The following LDLRAD4 variants were observed in gnomAD, a reference collection of about 807,000 sequenced individuals.
LDLRAD4 encodes low-density lipoprotein receptor class A domain-containing protein 4.
In LDLRAD4, 5 loss-of-function variants were observed where a neutral mutation model predicts 17.0. The ratio of observed to expected loss-of-function variants is 0.29; its 90% CI spans 0.15 to 0.62. The LOEUF (loss-of-function observed/expected upper bound fraction) is 0.62. Ranked by LOEUF, LDLRAD4 falls within the 20% of genes least tolerant of loss-of-function variation. LDLRAD4 has a pLI of 0.84. For missense variants in LDLRAD4, 340 were observed against 424.7 expected, an observed-to-expected ratio of 0.80 and a Z score of 1.75; for synonymous variants, 168 against 171.8, an observed-to-expected ratio of 0.98 and a Z score of 0.17.
At chr18:13,413,027 C>T (rs908312699) in intron 2 of LDLRAD4, among the ~76,000 whole-genome samples, 1 of 152,202 alleles carries the variant, frequency 6.6e-6, no homozygotes, top group Non-Finnish European at 1.5e-5. Context: ...GTGCATCAGT[C>T]AGGATTCTTC....
intron 4 of LDLRAD4, among the ~76,000 whole-genome samples, chr18:13,633,702 C>T (rs56296887): frequency 0.048 from 6,996 of 146,740 alleles, 504 homozygotes; most frequent in African/African-American, 0.15. Context: ...GCAGCAGGAG[C>T]GGGGAGAAGC....
Position 13,347,775 on chromosome 18 carries a change from T to G in LDLRAD4, c.-382-39566T>G, listed in dbSNP as rs549043661. ...TCTTGGAGGCTTTGTTCATTTCTTT[T>G]TATTCTTTTTTCTCTACACTTCTCT... On this transcript the variant is annotated intron_variant, in intron 1 of 5. Transcript: ENST00000359446. Among the ~76,000 whole-genome samples the G allele has an allele frequency of 1.1e-4, 17 of 152,334 alleles. 2 individuals are homozygous for G. In the South Asian group the frequency reaches 3.5e-3, roughly 32 times the overall value.
chr18:13,297,276 C>T lies in LDLRAD4; in HGVS notation c.-383+19088C>T, dbSNP rs535958289. ...TGGAAGGGACTTTGCCACTGAGGCC[C>T]GAGGTGGGGATCATAGCACCGTTTG... On this transcript the variant is annotated intron_variant, in intron 1 of 5. Coordinates refer to ENST00000359446, the Ensembl canonical transcript of LDLRAD4. 4.6e-5 allele frequency among the ~76,000 whole-genome samples: 7 copies of T among 152,256 alleles called. No individual in the cohort carries two copies. In the East Asian group the frequency reaches 5.8e-4, roughly 13 times the overall value.
chr18:13,475,683 C>A (rs1418478367), intron 3 of LDLRAD4, among the ~76,000 whole-genome samples: 1 of 152,166 alleles, frequency 6.6e-6, no homozygotes, highest in Non-Finnish European at 1.5e-5. Context: ...GCCAACAAGA[C>A]CTGGCCTCTT....
intron 2 of LDLRAD4, among the ~76,000 whole-genome samples, chr18:13,409,309 G>T (rs1014256851): frequency 6.6e-6 from 1 of 152,222 alleles, no homozygotes; most frequent in Non-Finnish European, 1.5e-5. Flanking sequence ...AGGGAAGGGG[G>T]AGATGTGTGG....
intron 2 of LDLRAD4, among the ~76,000 whole-genome samples, chr18:13,422,076 G>A (rs180952633): frequency 8.5e-5 from 13 of 152,350 alleles, no homozygotes; most frequent in South Asian, 2.1e-4. Flanking sequence ...GTCAGTTACC[G>A]TTTATCTAAG....
At chr18:13,370,894 A>C (rs1414091898) in intron 1 of LDLRAD4, among the ~76,000 whole-genome samples, 1 of 151,744 alleles carries the variant, frequency 6.6e-6, no homozygotes, top group Non-Finnish European at 1.5e-5. Flanking sequence ...TATTTTTAGT[A>C]GAAACGGGGT....
intron 3 of LDLRAD4, among the ~76,000 whole-genome samples, chr18:13,511,627 T>G (rs958250752): frequency 6.6e-5 from 10 of 152,254 alleles, no homozygotes; most frequent in South Asian, 2.1e-4. Flanking sequence ...GTAATCGTTT[T>G]CTGATAGGTA....
At chr18:13,534,022 C>T (rs889823387) in intron 3 of LDLRAD4, among the ~76,000 whole-genome samples, 4 of 152,196 alleles carry the variant, frequency 2.6e-5, no homozygotes, top group Non-Finnish European at 1.5e-5. Context: ...GGTGTGTCTT[C>T]TGGCACTCCA....
chr18:13,438,887 C>T (rs944793692), intron 3 of LDLRAD4, among the ~76,000 whole-genome samples: 7 of 152,198 alleles, frequency 4.6e-5, no homozygotes, highest in Non-Finnish European at 1.0e-4. Context: ...AGGCTTTGAG[C>T]ATTTCTTGAA....
exon 6 of LDLRAD4, chr18:13,649,709 C>G: frequency 4.5e-6 from 1 of 222,164 alleles, no homozygotes; most frequent in Non-Finnish European, 8.7e-6. Context: ...GTGTACCATT[C>G]ATTTTTTAAA....
Position 13,645,074 on chromosome 18 carries a change from A to C in LDLRAD4, c.391-53A>C. ...AACTTTCCTTGATTCTGACACATTT[A>C]TGGTCATCATTGCGCTCAAACTGTC... On this transcript the variant is annotated intron_variant, in intron 5 of 5. Transcript: ENST00000359446. This position sits in a 1 kb window ranked among gnomAD's most constrained non-coding sequence, Gnocchi z 5.7. 8.6e-5 allele frequency: 117 copies of C among 1,362,438 alleles called. No individual in the cohort carries two copies. The highest frequency in any genetic ancestry group is 1.9e-4 in the Middle Eastern group (1 of 5,390). 84.4% of individuals were successfully genotyped at this position (1,362,438 alleles called of 1,614,324 possible). A position where few individuals can be genotyped will look rare whatever the true frequency, so the allele number is the denominator to read the frequency against.
chr18:13,469,949 A>T (rs1018945733), intron 3 of LDLRAD4, among the ~76,000 whole-genome samples: 5 of 152,216 alleles, frequency 3.3e-5, no homozygotes, highest in Non-Finnish European at 7.3e-5. Context: ...TAAATCTAAT[A>T]ATGATTAAAG....
intron 1 of LDLRAD4, among the ~76,000 whole-genome samples, chr18:13,287,952 G>T (rs1463990048): frequency 6.6e-6 from 1 of 152,192 alleles, no homozygotes; most frequent in East Asian, 1.9e-4. Context: ...AGTAATTTGG[G>T]TGTTTAGGTA....
intron 3 of LDLRAD4, among the ~76,000 whole-genome samples, chr18:13,475,970 A>T (rs1441910621): frequency 6.6e-6 from 1 of 152,150 alleles, no homozygotes; most frequent in Non-Finnish European, 1.5e-5. Flanking sequence ...GATCGGCCTC[A>T]TTGGAACAGG....
intron 3 of LDLRAD4, among the ~76,000 whole-genome samples, chr18:13,583,295 C>T (rs1234517112): frequency 6.6e-6 from 1 of 151,770 alleles, no homozygotes; most frequent in African/African-American, 2.4e-5. Flanking sequence ...ATTGTTAGGG[C>T]AATATTTGTA....
At chr18:13,381,429 CT>C (rs1365213169) in intron 1 of LDLRAD4, among the ~76,000 whole-genome samples, 3 of 152,184 alleles carry the variant, frequency 2.0e-5, no homozygotes, top group East Asian at 1.9e-4. Context: ...CCATAGGGGA[CT>C]TTTTGGAATG....
rs1016738240 is a variant in LDLRAD4, at chr18:13,439,433, A to G, written c.181+1049A>G. ...CTAAATTCAAGAGTCTTATAGTACAAATAGTTTTTCTCAAGTTTTTCTATT... is the reference window on the plus strand; with the variant it reads ...CTAAATTCAAGAGTCTTATAGTACAGATAGTTTTTCTCAAGTTTTTCTATT... On this transcript the variant is annotated intron_variant, in intron 3 of 5. Coordinates refer to ENST00000359446, the Ensembl canonical transcript of LDLRAD4. Among the ~76,000 whole-genome samples the G allele has an allele frequency of 3.3e-5, 5 of 152,164 alleles. 1 individual carries two copies. Among genetic ancestry groups the G allele is most frequent in the African/African-American group, 7.2e-5 (3 of 41,434 alleles).
chr18:13,276,780 TG>T (rs1000477477), upstream of LDLRAD4, among the ~76,000 whole-genome samples: 1 of 152,106 alleles, frequency 6.6e-6, no homozygotes, highest in African/African-American at 2.4e-5. Flanking sequence ...GGTATTCGGT[TG>T]GGTAGAAGCC....
Sources: allele counts gnomAD v4.1 joint callset (sites outside exome capture counted in the v4.1 genomes callset), GRCh38; gene constraint gnomAD v4.1.1; non-coding constraint Gnocchi (gnomAD v3.1); transcripts MANE v1.5; gene names NCBI Gene and HGNC (gene_info 2026-07-23, HGNC 2026-07-21).